The following NEIL1 variants were observed in gnomAD, a reference collection of about 807,000 sequenced individuals.
NEIL1 encodes the protein endonuclease 8-like 1.
NEIL1 carries 31 observed loss-of-function variants against 44.2 expected under a neutral mutation model. That is an observed-to-expected ratio of 0.70 (90% CI 0.53 to 0.95). NEIL1 has a LOEUF of 0.95. NEIL1 is among the 40% of genes least tolerant of loss of function. The pLI is 0.00. For missense variants in NEIL1, 549 were observed against 515.5 expected, an observed-to-expected ratio of 1.07 and a Z score of -0.63; for synonymous variants, 254 against 209.7, an observed-to-expected ratio of 1.21 and a Z score of -1.83.
chr15:75,349,570 CT>C (rs2071721718), intron 2 of NEIL1: 2 of 549,530 alleles, frequency 3.6e-6, no homozygotes, highest in Non-Finnish European at 6.4e-6. Context: ...AATCCCAGCA[CT>C]TTGGGAAGCC....
chr15:75,348,337 G>A, intron 1 of NEIL1: 4 of 986,504 alleles, frequency 4.1e-6, no homozygotes, highest in Non-Finnish European at 4.8e-6. Context: ...CCTCGGTGGT[G>A]AGCGGCCAGA....
chr15:75,352,226 T>C lies in NEIL1; in HGVS notation c.550T>C (p.Tyr184His). The C allele has an allele frequency of 1.2e-6, 2 of 1,614,240 alleles. No homozygotes were observed. The highest frequency in any genetic ancestry group is 1.7e-6 in the Non-Finnish European group (2 of 1,180,030). ...IGNYLRAEIL[Y>H]RLKIPPFEKA... ...CAACTATCTGCGGGCAGAGATCCTGTACCGGTCAGCAAGCAGGCATGGGCA... is the reference window on the plus strand; with the variant it reads ...CAACTATCTGCGGGCAGAGATCCTGCACCGGTCAGCAAGCAGGCATGGGCA... Residue 184 changes from tyrosine to histidine, a missense_variant, in exon 3 of 10, where the codon TAC becomes CAC. Coordinates refer to ENST00000355059, the MANE Select transcript of NEIL1 (RefSeq NM_024608.4).
Position 75,355,672 on chromosome 15 carries a change from C to T in NEIL1, c.*638C>T, listed in dbSNP as rs374803631. 7.9e-5 allele frequency: 41 copies of T among 517,982 alleles called. No individual in the cohort carries two copies. The highest frequency in any genetic ancestry group is 5.2e-4 in the Middle Eastern group (1 of 1,908). 32.1% of individuals were successfully genotyped at this position (517,982 alleles called of 1,614,324 possible). A position where few individuals can be genotyped will look rare whatever the true frequency, so the allele number is the denominator to read the frequency against. ...TGGGGGCTGCAACCCAGACCCTGCA[C>T]GCACAGGTACCTTAGGATCTTGCCC... On this transcript the variant is annotated 3_prime_UTR_variant, in exon 10 of 10. Coordinates refer to ENST00000355059, the MANE Select transcript of NEIL1 (RefSeq NM_024608.4).
rs2072122122 is a variant in NEIL1 at position 75,353,811 on chromosome 15, G to A, written c.791G>A (p.Gly264Asp). The A allele has an allele frequency of 1.9e-6, 3 of 1,613,696 alleles. No individual in the cohort carries two copies. The highest frequency in any genetic ancestry group is 2.5e-6 in the Non-Finnish European group (3 of 1,179,982). Residue 264 changes from glycine (G) to aspartate (D), a missense_variant, in exon 6 of 10, where the codon GGC becomes GAC. Transcript: ENST00000355059. Reference sequence around the variant, plus strand: ...TTTCGAGCCTGGCTGCGCTGCTATGGCATGCCAGGCATGAGCTCCCTGCAG... The same window carrying A: ...TTTCGAGCCTGGCTGCGCTGCTATGACATGCCAGGCATGAGCTCCCTGCAG... ...AAFRAWLRCY[G>D]MPGMSSLQDR...
chr15:75,349,459 G>A (rs768058021), intron 2 of NEIL1, 120 bp downstream of exon 2: 12 of 978,634 alleles, frequency 1.2e-5, no homozygotes, highest in Non-Finnish European at 1.6e-5. Context: ...TCTCTCATCT[G>A]CAGATCAAGA....
In NEIL1 at chr15:75,349,547, G is replaced by A. The variant is rs903479112; in HGVS notation, c.434+208G>A. 11 of 589,116 alleles carry A rather than the reference G, an allele frequency of 1.9e-5. No individual in the cohort carries two copies. The South Asian group carries it at 2.2e-4, about 12-fold the overall frequency. 36.5% of individuals were successfully genotyped at this position (589,116 alleles called of 1,614,324 possible). On this transcript the variant is annotated intron_variant, in intron 2 of 9. Transcript: ENST00000355059. The stretch of plus-strand genomic sequence containing the variant: ...AACTAATTGGGGGCCGGGTGTGGTG[G>A]CTCAAGTCTGTAAATCCCAGCACTT...
At position 75,355,063 on chromosome 15, in the gene NEIL1, CT is replaced by C; in HGVS notation, c.*32del. The C allele has an allele frequency of 6.2e-7, 1 of 1,602,888 alleles. No homozygotes were observed. The highest frequency in any genetic ancestry group is 8.5e-7 in the Non-Finnish European group (1 of 1,172,270). On this transcript the variant is annotated 3_prime_UTR_variant, in exon 10 of 10. Transcript: ENST00000355059. ...GAGGCTCTCCTTGCTTGCACTCACC[CT>C]TTCTTATTGTCTTGCCCTGCATCTG...
Position 75,352,682 on chromosome 15 carries a change from C to G in NEIL1, c.699C>G (p.Pro233=), listed in dbSNP as rs568382539. The change falls in exon 5 of 10, where the codon CCC becomes CCG. Residue 233 remains proline (P), a synonymous_variant. Transcript: ENST00000355059. ...PDLLELCHSV[P]KEVVQLGGKG... Reference sequence around the variant, plus strand: ...TGCTGGAGCTATGTCACTCAGTGCCCAAGGAAGTGGTCCAGTTGGGTGAGG... The same window carrying G: ...TGCTGGAGCTATGTCACTCAGTGCCGAAGGAAGTGGTCCAGTTGGGTGAGG... The G allele has an allele frequency of 6.2e-7, 1 of 1,612,132 alleles. No individual in the cohort carries two copies. Among genetic ancestry groups the G allele is most frequent in the African/African-American group, 1.3e-5 (1 of 74,990 alleles).
At chr15:75,350,420 G>A (rs2071794269) in intron 2 of NEIL1, among the ~76,000 whole-genome samples, 1 of 152,156 alleles carries the variant, frequency 6.6e-6, no homozygotes, top group South Asian at 2.1e-4. Flanking sequence ...GCCGAGGGTG[G>A]GGGTACATTA....
rs763689053 is a variant in NEIL1 at position 75,356,295 on chromosome 15, C to T, written c.*1261C>T. 6.2e-7 allele frequency: 1 copy of T among 1,611,110 alleles called. No homozygotes were observed. Among genetic ancestry groups the T allele is most frequent in the Admixed American group, 1.7e-5 (1 of 59,688 alleles). On this transcript the variant is annotated 3_prime_UTR_variant, in exon 10 of 10. Transcript: ENST00000355059. The surrounding 1 kb of genome is among the most constrained non-coding windows in gnomAD (Gnocchi z 5.8). The stretch of plus-strand genomic sequence containing the variant: ...AACCCCGTCCCCAGCACGTCCCACC[C>T]CTTGCCTGCTTGACGGTCTCCAATA...
intron 5 of NEIL1, 106 bp downstream of exon 5, chr15:75,352,807 C>G: frequency 2.3e-6 from 2 of 877,546 alleles, no homozygotes; most frequent in Non-Finnish European, 1.8e-6. Flanking sequence ...GTTTGTAGCC[C>G]TAGCTGATAC....
rs767883554 is a variant in NEIL1 at position 75,349,183 on chromosome 15, T to C, written c.278T>C (p.Leu93Pro). 7.4e-5 allele frequency: 119 copies of C among 1,608,944 alleles called. No individual in the cohort carries two copies. Among genetic ancestry groups the C allele is most frequent in the East Asian group, 1.3e-4 (6 of 44,888 alleles). ...TTTCAGCTGGTGCCCCGCGAGGAGC[T>C]GCCACGCCATGCCCACCTGCGCTTT... ...GSFQLVPREE[L>P]PRHAHLRFYT... Residue 93 changes from leucine (L) to proline (P), a missense_variant, in exon 2 of 10, where the codon CTG (leucine) becomes CCG (proline). Coordinates refer to ENST00000355059, the MANE Select transcript of NEIL1 (RefSeq NM_024608.4).
At chr15:75,353,222 T>TACACACAC (rs1555432576) in intron 5 of NEIL1, 2 of 98,048 alleles carry the variant, frequency 2.0e-5, no homozygotes, top group Non-Finnish European at 4.5e-5. Flanking sequence ...TTTATATATT[T>TACACACAC]ATACACACAC....
chr15:75,350,290 T>C (rs1028891604), intron 2 of NEIL1, among the ~76,000 whole-genome samples: 2 of 152,144 alleles, frequency 1.3e-5, no homozygotes, highest in South Asian at 2.1e-4. Flanking sequence ...GGTACAGCAG[T>C]GAACAAGATG....
In NEIL1 at chr15:75,348,997, C is replaced by T; in HGVS notation, c.92C>T (p.Ser31Phe). 1 of 1,613,768 alleles carries T rather than the reference C, an allele frequency of 6.2e-7. No individual in the cohort carries two copies. Among genetic ancestry groups the T allele is most frequent in the African/African-American group, 1.3e-5 (1 of 75,070 alleles). Residue 31 changes from serine to phenylalanine, a missense_variant, in exon 2 of 10, where the codon TCT becomes TTT. Ser to Phe is a radical substitution (Grantham distance 155). Coordinates refer to ENST00000355059, the MANE Select transcript of NEIL1 (RefSeq NM_024608.4). ...LVFGGCVEKS[S>F]VSRNPEVPFE... Reference sequence around the variant, plus strand: ...TTCGGCGGCTGCGTGGAGAAGTCCTCTGTCAGCCGCAACCCTGAGGTGCCC... The same window carrying T: ...TTCGGCGGCTGCGTGGAGAAGTCCTTTGTCAGCCGCAACCCTGAGGTGCCC...
chr15:75,354,209 C>T (rs1385126595), intron 6 of NEIL1, 41 bp from the exon 7 acceptor site: 2 of 1,613,094 alleles, frequency 1.2e-6, no homozygotes, highest in South Asian at 2.2e-5. Context: ...GCCCCTGTGC[C>T]AACCCAGGCT....
intron 5 of NEIL1, chr15:75,353,323 A>G (rs1338874677): frequency 6.8e-6 from 2 of 296,070 alleles, no homozygotes; most frequent in African/African-American, 4.3e-5. Flanking sequence ...ACTGGGCTCA[A>G]GTGATCCTCC....
chr15:75,349,136 C>T lies in NEIL1; in HGVS notation c.231C>T (p.Phe77=), dbSNP rs779642193. ...QPQQEPLALV[F]RFGMSGSFQL... is the part of the protein sequence containing the mutation. Reference sequence around the variant, plus strand: ...AACAGGAGCCACTGGCCCTGGTCTTCCGCTTCGGCATGTCCGGCTCTTTTC... The same window carrying T: ...AACAGGAGCCACTGGCCCTGGTCTTTCGCTTCGGCATGTCCGGCTCTTTTC... The change falls in exon 2 of 10, where the codon TTC becomes TTT. Residue 77 remains phenylalanine (F), a synonymous_variant. Transcript: ENST00000355059. 12 of 1,610,804 alleles carry T rather than the reference C, an allele frequency of 7.4e-6. No individual in the cohort carries two copies. Among genetic ancestry groups the T allele is most frequent in the Non-Finnish European group, 9.3e-6 (11 of 1,179,930 alleles).
Position 75,355,626 on chromosome 15 carries a change from C to T in NEIL1, c.*592C>T, listed in dbSNP as rs1006482153. 1.0e-5 allele frequency: 4 copies of T among 390,562 alleles called. No homozygotes were observed. Among genetic ancestry groups the T allele is most frequent in the Admixed American group, 4.2e-5 (1 of 23,916 alleles). The allele number at this position is 390,562 out of a possible 1,614,324, so 24.2% of individuals were successfully genotyped here. A position where few individuals can be genotyped will look rare whatever the true frequency, so the allele number is the denominator to read the frequency against. On this transcript the variant is annotated 3_prime_UTR_variant, in exon 10 of 10. Coordinates refer to ENST00000355059, the MANE Select transcript of NEIL1 (RefSeq NM_024608.4). ...GTCTCTTCACTGGCTTTTGGTGGCT[C>T]GAGGTCCCCAGTCTCTCCTGTGGGG...
Sources: allele counts gnomAD v4.1 joint callset (sites outside exome capture counted in the v4.1 genomes callset), GRCh38; gene constraint gnomAD v4.1.1; non-coding constraint Gnocchi (gnomAD v3.1); transcripts MANE v1.5; gene names NCBI Gene and HGNC (gene_info 2026-07-23, HGNC 2026-07-21).